PRUNE2: variants seen among roughly 807,000 people sequenced by gnomAD.
PRUNE2 encodes the protein protein prune homolog 2.
In PRUNE2, 164 loss-of-function variants were observed where a neutral mutation model predicts 252.0. The observed-to-expected ratio is 0.65, with a 90% CI of 0.57 to 0.74. The LOEUF (loss-of-function observed/expected upper bound fraction) is 0.74. PRUNE2 is among the 30% of genes least tolerant of loss of function. The probability of loss-of-function intolerance (pLI) is 0.00; values close to 1 mark genes in which losing one functional copy is unlikely to be tolerated. For missense variants in PRUNE2, 3,495 were observed against 3,711.0 expected, an observed-to-expected ratio of 0.94 and a Z score of 1.51; for synonymous variants, 1,292 against 1,350.2, an observed-to-expected ratio of 0.96 and a Z score of 0.94.
chr9:76,797,236 C>T (rs1041360252), intron 6 of PRUNE2, among the ~76,000 whole-genome samples: 2 of 151,536 alleles, frequency 1.3e-5, no homozygotes, highest in Admixed American at 6.6e-5. Context: ...TTCTCTTTTA[C>T]GTTCTATATA....
intron 6 of PRUNE2, among the ~76,000 whole-genome samples, chr9:76,774,463 T>TTTTA (rs2053512217): frequency 1.4e-5 from 2 of 141,174 alleles, no homozygotes; most frequent in Admixed American, 7.1e-5. Flanking sequence ...TTTTTTTTTT[T>TTTTA]TTTTTTTTTT....
At chr9:76,694,421 G>A (rs2045177934) in intron 9 of PRUNE2, among the ~76,000 whole-genome samples, 1 of 152,186 alleles carries the variant, frequency 6.6e-6, no homozygotes, top group South Asian at 2.1e-4. Context: ...GGCCTCAGGT[G>A]ATCCTCTCAC....
chr9:76,841,484 G>T (rs977908093), intron 4 of PRUNE2, among the ~76,000 whole-genome samples: 6 of 152,204 alleles, frequency 3.9e-5, no homozygotes, highest in African/African-American at 1.4e-4. Flanking sequence ...CACTCCCCTG[G>T]AAAGGGGGCT....
intron 6 of PRUNE2, among the ~76,000 whole-genome samples, chr9:76,782,015 C>T (rs575461001): frequency 6.6e-6 from 1 of 152,226 alleles, no homozygotes; most frequent in South Asian, 2.1e-4. Flanking sequence ...GAGATTGAGA[C>T]CATCCTGGCT....
At chr9:76,673,433 G>A (rs2041913465) in intron 9 of PRUNE2, among the ~76,000 whole-genome samples, 1 of 130,740 alleles carries the variant, frequency 7.6e-6, no homozygotes, top group South Asian at 2.9e-4. Context: ...ACCAAAAAGA[G>A]TCCAGGACCA....
Position 76,706,071 on chromosome 9 carries a change from G to A in PRUNE2, c.6203C>T (p.Pro2068Leu). Residue 2068 changes from proline to leucine, a missense_variant, in exon 8 of 19, where the codon CCT becomes CTT. Transcript: ENST00000376718. ...CTTCTTAGCATCTATCCACAAGTCA[G>A]GCGCGGCAGAGGCCAGCTGCCCACC... ...QEGGQLASAA[P>L]DLWIDAKKPF... 3.7e-6 allele frequency: 6 copies of A among 1,614,038 alleles called. No homozygotes were observed. Among genetic ancestry groups the A allele is most frequent in the Non-Finnish European group, 5.1e-6 (6 of 1,179,892 alleles).
chr9:76,765,696 A>T (rs955716841), intron 6 of PRUNE2, among the ~76,000 whole-genome samples: 6 of 152,208 alleles, frequency 3.9e-5, no homozygotes, highest in Non-Finnish European at 8.8e-5. Flanking sequence ...AGCCTTATCT[A>T]GTGAGAAGAC....
intron 9 of PRUNE2, among the ~76,000 whole-genome samples, chr9:76,668,838 G>A (rs1471764715): frequency 2.7e-5 from 4 of 150,590 alleles, no homozygotes; most frequent in Non-Finnish European, 5.9e-5. Context: ...GCAAAGTATC[G>A]CACACAGTAA....
chr9:76,654,151 C>T (rs2133335040), intron 10 of PRUNE2, among the ~76,000 whole-genome samples: 1 of 152,220 alleles, frequency 6.6e-6, no homozygotes, highest in Non-Finnish European at 1.5e-5. Flanking sequence ...CACATCTGGT[C>T]ACAGAAGTGT....
chr9:76,751,353 G>T (rs141201394), intron 6 of PRUNE2, among the ~76,000 whole-genome samples: 1 of 152,298 alleles, frequency 6.6e-6, no homozygotes, highest in Non-Finnish European at 1.5e-5. Context: ...TTTAGAGTCA[G>T]TGAAAGGCCT....
intron 17 of PRUNE2, among the ~76,000 whole-genome samples, chr9:76,619,797 A>G (rs1831332063): frequency 6.6e-6 from 1 of 152,206 alleles, no homozygotes; most frequent in Admixed American, 6.5e-5. Flanking sequence ...AGTTTTCACG[A>G]GAATGAGGAT....
intron 6 of PRUNE2, among the ~76,000 whole-genome samples, chr9:76,792,542 G>C (rs764719064): frequency 6.6e-6 from 1 of 152,188 alleles, no homozygotes; most frequent in Non-Finnish European, 1.5e-5. Flanking sequence ...TTGTTAGGCA[G>C]AGAGAAATAG....
intron 1 of PRUNE2, among the ~76,000 whole-genome samples, chr9:76,854,808 T>C (rs2060150996): frequency 2.0e-5 from 3 of 152,024 alleles, no homozygotes; most frequent in Admixed American, 2.0e-4. Context: ...CTCACGCCTG[T>C]AATCCCAGCA....
intron 11 of PRUNE2, among the ~76,000 whole-genome samples, chr9:76,650,549 T>C (rs1272088805): frequency 6.6e-6 from 1 of 152,226 alleles, no homozygotes; most frequent in African/African-American, 2.4e-5. Context: ...CAGTCACTTA[T>C]CCATGTCCTC....
chr9:76,701,008 A>C (rs914560226), intron 9 of PRUNE2, among the ~76,000 whole-genome samples: 10 of 152,066 alleles, frequency 6.6e-5, no homozygotes, highest in Non-Finnish European at 2.9e-5. Flanking sequence ...CTTATGTCTA[A>C]CTCTTTAGTT....
rs558495779 is a variant in PRUNE2, at chr9:76,884,361, G to A, written c.36+21567C>T. Among the ~76,000 whole-genome samples the A allele has an allele frequency of 1.2e-4, 18 of 152,288 alleles. No homozygotes were observed. The East Asian group carries it at 1.7e-3, about 15-fold the overall frequency. ...ACTAGAAAAATAGCCACAGTGTACT[G>A]AGCGTCATTGGCTAAGTGCTTCAAA... On this transcript the variant is annotated intron_variant, in intron 1 of 18. Coordinates refer to ENST00000376718, the MANE Select transcript of PRUNE2 (RefSeq NM_015225.3).
intron 6 of PRUNE2, among the ~76,000 whole-genome samples, chr9:76,722,361 C>T (rs990384656): frequency 2.6e-5 from 4 of 151,798 alleles, no homozygotes; most frequent in African/African-American, 9.7e-5. Flanking sequence ...TGAGCCACCG[C>T]GCCCAGCCTA....
intron 1 of PRUNE2, among the ~76,000 whole-genome samples, chr9:76,884,086 T>C (rs1164693266): frequency 6.6e-6 from 1 of 152,100 alleles, no homozygotes; most frequent in Non-Finnish European, 1.5e-5. Flanking sequence ...CTCCCTTCTC[T>C]CCTCTCTCCA....
chr9:76,640,616 C>G (rs1842172155), intron 12 of PRUNE2, among the ~76,000 whole-genome samples: 2 of 152,142 alleles, frequency 1.3e-5, no homozygotes, highest in Admixed American at 1.3e-4. Flanking sequence ...TTATCAACTA[C>G]TTTTTAGAAT....
Sources: gnomAD v4.1 joint callset for allele counts (sites outside exome capture counted in the v4.1 genomes callset) on GRCh38, gnomAD v4.1.1 for gene constraint, MANE v1.5 for transcripts, NCBI Gene and HGNC (gene_info 2026-07-23, HGNC 2026-07-21) for gene names.